CEMIP: variants seen among roughly 807,000 people sequenced by gnomAD.
CEMIP encodes cell migration inducing hyaluronidase 1.
CEMIP carries 105 observed loss-of-function variants against 156.9 expected under a neutral mutation model. That is an observed-to-expected ratio of 0.67 (90% CI 0.57 to 0.79). The LOEUF is 0.79. Among genes scored for constraint, CEMIP ranks in the 30% least tolerant of loss-of-function variants. CEMIP has a pLI of 0.00. For missense variants in CEMIP, 1,457 were observed against 1,769.4 expected (o/e 0.82, Z 3.17); for synonymous variants, 676 against 668.4 (o/e 1.01, Z -0.17).
rs1897538470 is a variant in CEMIP at position 80,845,776 on chromosome 15, A to G, written c.-175-27762A>G. On this transcript the variant is annotated intron_variant, in intron 1 of 29. Transcript: ENST00000394685. ...CATAACTGAGGTGGAAAATCCTGTC[A>G]GTGAGCTAGATCGAGTCATTAGGCG... Among the ~76,000 whole-genome samples, 4 of 152,168 alleles carry G rather than the reference A, an allele frequency of 2.6e-5. No individual in the cohort carries two copies. The South Asian group carries it at 8.3e-4, about 32-fold the overall frequency.
Position 80,936,655 on chromosome 15 carries a change from C to A in CEMIP, c.3010-19C>A, listed in dbSNP as rs1901130445. The A allele has an allele frequency of 6.2e-7, 1 of 1,602,402 alleles. No homozygotes were observed. The highest frequency in any genetic ancestry group is 1.1e-5 in the South Asian group (1 of 90,836). ...TTCGTAATAGCCTCATTGTGTGTTT[C>A]CTTTTTGGGTTTTAAAAGATGTACA... is the stretch of plus-strand genomic sequence containing the variant. On this transcript the variant is annotated intron_variant, in intron 23 of 29. Coordinates refer to ENST00000394685, the MANE Select transcript of CEMIP (RefSeq NM_001293298.2).
At chr15:80,908,681 T>C (rs1416293100) in intron 13 of CEMIP, among the ~76,000 whole-genome samples, 1 of 152,186 alleles carries the variant, frequency 6.6e-6, no homozygotes, top group Non-Finnish European at 1.5e-5. Context: ...AGGCTCTTGC[T>C]GCTCCATACT....
chr15:80,907,758 A>G, intron 13 of CEMIP, among the ~76,000 whole-genome samples: 1 of 150,130 alleles, frequency 6.7e-6, no homozygotes, highest in African/African-American at 2.5e-5. Context: ...TTATATCACA[A>G]TGCAAAGTGC....
chr15:80,878,429 C>T (rs570835094), intron 3 of CEMIP, among the ~76,000 whole-genome samples: 166 of 152,308 alleles, frequency 1.1e-3, no homozygotes, highest in African/African-American at 3.7e-3. Flanking sequence ...TTGGAATGTC[C>T]TGAGAAGCCA....
chr15:80,844,808 G>A (rs1182108473), intron 1 of CEMIP, among the ~76,000 whole-genome samples: 1 of 152,208 alleles, frequency 6.6e-6, no homozygotes, highest in African/African-American at 2.4e-5. Context: ...GGGGCATGGA[G>A]CAGGAGCAGG....
chr15:80,808,183 C>T (rs548477616), intron 1 of CEMIP, among the ~76,000 whole-genome samples: 167 of 152,286 alleles, frequency 1.1e-3, no homozygotes, highest in Non-Finnish European at 1.8e-3. Context: ...ACTAAGTCAT[C>T]CAAGATCACC....
intron 13 of CEMIP, among the ~76,000 whole-genome samples, chr15:80,907,163 C>A (rs1194679987): frequency 1.3e-5 from 2 of 152,196 alleles, no homozygotes; most frequent in Non-Finnish European, 2.9e-5. Flanking sequence ...TTCATTATTG[C>A]CCTGATCACT....
intron 1 of CEMIP, among the ~76,000 whole-genome samples, chr15:80,807,086 C>T (rs965857148): frequency 6.6e-6 from 1 of 151,962 alleles, no homozygotes; most frequent in African/African-American, 2.4e-5. Context: ...GGGTGAGAGA[C>T]TAAAATTGTG....
chr15:80,927,152 A>G (rs1447111799), intron 19 of CEMIP, among the ~76,000 whole-genome samples: 1 of 151,808 alleles, frequency 6.6e-6, no homozygotes, highest in East Asian at 1.9e-4. Flanking sequence ...TTTGCACAGG[A>G]GAAAAGAAGT....
chr15:80,795,063 G>T (rs1896182719), intron 1 of CEMIP, among the ~76,000 whole-genome samples: 1 of 151,994 alleles, frequency 6.6e-6, no homozygotes, highest in Admixed American at 6.6e-5. Flanking sequence ...GAGAAGCCCA[G>T]ATTGGCTGGG....
intron 1 of CEMIP, chr15:80,841,906 C>T (rs1897429846): frequency 4.1e-6 from 1 of 246,250 alleles, no homozygotes; most frequent in Non-Finnish European, 8.8e-6. Context: ...CTCTGTTCCT[C>T]ATCTGTAAAT....
Position 80,932,323 on chromosome 15 carries a change from G to C in CEMIP, c.2793+284G>C, listed in dbSNP as rs1241193799. Among the ~76,000 whole-genome samples, 1 of 152,186 alleles carries C rather than the reference G, an allele frequency of 6.6e-6. No homozygotes were observed. Among genetic ancestry groups the C allele is most frequent in the African/African-American group, 2.4e-5 (1 of 41,438 alleles). ...CCCGACGTGTGGACTGAGGTTCCTA[G>C]GCTGTTCCTCCAAGGGACTTGACTT... On this transcript the variant is annotated intron_variant, in intron 22 of 29. Coordinates refer to ENST00000394685, the MANE Select transcript of CEMIP (RefSeq NM_001293298.2). This position sits in a 1 kb window ranked among gnomAD's most constrained non-coding sequence, Gnocchi z 4.5.
intron 10 of CEMIP, among the ~76,000 whole-genome samples, chr15:80,893,979 C>T (rs898880941): frequency 1.3e-5 from 2 of 152,176 alleles, no homozygotes; most frequent in African/African-American, 4.8e-5. Context: ...AGGATGCAGA[C>T]ACACCCTGGC....
intron 3 of CEMIP, among the ~76,000 whole-genome samples, chr15:80,874,428 A>G (rs564728930): frequency 6.6e-6 from 1 of 152,204 alleles, no homozygotes; most frequent in African/African-American, 2.4e-5. Flanking sequence ...TGTAAATGTT[A>G]CCAATGAATT....
intron 29 of CEMIP, 177 bp downstream of exon 29, chr15:80,947,242 C>T: frequency 3.3e-6 from 2 of 603,552 alleles, no homozygotes; most frequent in South Asian, 2.0e-5. Flanking sequence ...CAAGATGCCA[C>T]CTGTTTACCA....
chr15:80,846,032 G>A (rs1037487277), intron 1 of CEMIP, among the ~76,000 whole-genome samples: 1 of 152,170 alleles, frequency 6.6e-6, no homozygotes, highest in African/African-American at 2.4e-5. Context: ...CTTCCAGGCT[G>A]AGGGAACAGG....
intron 23 of CEMIP, among the ~76,000 whole-genome samples, 153 bp from the exon 24 acceptor site, chr15:80,936,521 T>C (rs370742987): frequency 2.6e-5 from 4 of 152,350 alleles, no homozygotes; most frequent in Admixed American, 1.3e-4. Flanking sequence ...TGTCCCCTTA[T>C]TTGGCCTTTC....
At position 80,937,121 on chromosome 15, in the gene CEMIP, T is replaced by C. The variant is rs558214128; in HGVS notation, c.3221+236T>C. 3.5e-4 allele frequency among the ~76,000 whole-genome samples: 54 copies of C among 152,316 alleles called. 1 individual carries two copies. In the South Asian group the frequency reaches 0.011, roughly 30 times the overall value. ...AACCTCTTGAGCCTGAGCTCCTTGA[T>C]CTTTGAGTTGAGGATAGTATTACCT... is the stretch of plus-strand genomic sequence containing the variant. On this transcript the variant is annotated intron_variant, in intron 24 of 29. Coordinates refer to ENST00000394685, the MANE Select transcript of CEMIP (RefSeq NM_001293298.2).
At chr15:80,869,698 T>C (rs1596145715) in intron 1 of CEMIP, among the ~76,000 whole-genome samples, 1 of 152,186 alleles carries the variant, frequency 6.6e-6, no homozygotes, top group Non-Finnish European at 1.5e-5. Flanking sequence ...TCACATCCGA[T>C]TCCTCTCTGT....
Sources: allele counts gnomAD v4.1 joint callset (sites outside exome capture counted in the v4.1 genomes callset), GRCh38; gene constraint gnomAD v4.1.1; non-coding constraint Gnocchi (gnomAD v3.1); transcripts MANE v1.5; gene names NCBI Gene and HGNC (gene_info 2026-07-23, HGNC 2026-07-21).